The following IGF1R variants were observed in gnomAD, a reference collection of about 807,000 sequenced individuals.
IGF1R encodes insulin like growth factor 1 receptor.
Under a neutral mutation model 144.6 loss-of-function variants are expected in IGF1R, and 44 were observed. The observed-to-expected ratio is 0.30, with a 90% CI of 0.24 to 0.39. The LOEUF (loss-of-function observed/expected upper bound fraction) is 0.39, where lower values mean the gene tolerates loss of function less well. Among genes scored for constraint, IGF1R ranks in the 10% least tolerant of loss-of-function variants. The pLI is 1.00. For missense variants in IGF1R, 1,355 were observed against 1,833.7 expected, an observed-to-expected ratio of 0.74 and a Z score of 4.77; for synonymous variants, 795 against 722.8, an observed-to-expected ratio of 1.10 and a Z score of -1.60.
At chr15:98,711,998 C>T (rs553171144) in intron 2 of IGF1R, among the ~76,000 whole-genome samples, 30 of 152,290 alleles carry the variant, frequency 2.0e-4, no homozygotes, top group African/African-American at 7.2e-4. Context: ...GGGCACTAAT[C>T]CCATTTGTGA....
At position 98,780,573 on chromosome 15, in the gene IGF1R, AAAGAGAGAG is replaced by A. The variant is rs1486787497; in HGVS notation, c.640+72468_640+72476del. Among the ~76,000 whole-genome samples, 41 of 16,142 alleles carry A rather than the reference AAAGAGAGAG, an allele frequency of 2.5e-3. 6 individuals are homozygous for A. The highest frequency in any genetic ancestry group is 8.0e-3 in the South Asian group (2 of 250). The allele number at this position is 16,142 out of a possible 152,430, so 10.6% of individuals were successfully genotyped here. On this transcript the variant is annotated intron_variant, in intron 2 of 20. Transcript: ENST00000650285. ...TCAAAAAAAAAAAAAAAAAAAAAAA[AAAGAGAGAG>A]AGAGTAAATAAAATTGTAAGGTGAA...
Position 98,959,291 on chromosome 15 carries a change from C to T in IGF1R, c.*1849C>T. The T allele has an allele frequency of 4.3e-6, 1 of 233,598 alleles. No homozygotes were observed. Among genetic ancestry groups the T allele is most frequent in the Non-Finnish European group, 8.5e-6 (1 of 117,978 alleles). 14.5% of individuals were successfully genotyped at this position (233,598 alleles called of 1,614,324 possible). On this transcript the variant is annotated 3_prime_UTR_variant, in exon 21 of 21. Transcript: ENST00000650285. ...TATTTTTCTTAATGGCTATTTAATC[C>T]TTCCATCCCACGAAAAACAGCTGCT... is the stretch of plus-strand genomic sequence containing the variant.
At chr15:98,920,434 G>A (rs974885338) in intron 10 of IGF1R, among the ~76,000 whole-genome samples, 10 of 152,172 alleles carry the variant, frequency 6.6e-5, no homozygotes, top group East Asian at 1.9e-4. Flanking sequence ...GGGCTGAGCC[G>A]GGAGAGGGGT....
intron 2 of IGF1R, among the ~76,000 whole-genome samples, chr15:98,774,869 ATTAAAT>A (rs2055675017): frequency 6.6e-6 from 1 of 152,152 alleles, no homozygotes. Context: ...TTTTCCCACA[ATTAAAT>A]TTAAAAGGAA....
intron 1 of IGF1R, among the ~76,000 whole-genome samples, chr15:98,674,648 A>T (rs909631657): frequency 2.0e-5 from 3 of 152,176 alleles, no homozygotes; most frequent in Admixed American, 6.5e-5. Flanking sequence ...TATTATGTGT[A>T]TTGCTTTTTT....
At chr15:98,840,203 C>T (rs1181384062) in intron 2 of IGF1R, among the ~76,000 whole-genome samples, 1 of 152,190 alleles carries the variant, frequency 6.6e-6, no homozygotes, top group East Asian at 1.9e-4. Flanking sequence ...GGGGGCATTC[C>T]AGCAGAGTGT....
At chr15:98,706,631 G>C (rs2053869209) in intron 1 of IGF1R, among the ~76,000 whole-genome samples, 1 of 151,764 alleles carries the variant, frequency 6.6e-6, no homozygotes, top group Non-Finnish European at 1.5e-5. Context: ...TAATACTCTG[G>C]AACTACTGTC....
intron 2 of IGF1R, among the ~76,000 whole-genome samples, chr15:98,824,960 C>T (rs1363485268): frequency 6.6e-6 from 1 of 152,062 alleles, no homozygotes; most frequent in Non-Finnish European, 1.5e-5. Context: ...CCTCAGCCTC[C>T]CTAGTAGCTG....
At chr15:98,680,857 A>G (rs752551669) in intron 1 of IGF1R, among the ~76,000 whole-genome samples, 1 of 121,218 alleles carries the variant, frequency 8.2e-6, no homozygotes, top group African/African-American at 3.4e-5. Flanking sequence ...GAGCCTGGCC[A>G]TATGTACTTT....
At chr15:98,899,437 C>T in intron 4 of IGF1R, 40 bp from the exon 5 acceptor site, 2 of 1,608,480 alleles carry the variant, frequency 1.2e-6, no homozygotes, top group Non-Finnish European at 1.7e-6. Context: ...CACCCTTACA[C>T]CAAGTGAGCA....
At chr15:98,895,429 T>A (rs2014146179) in intron 3 of IGF1R, among the ~76,000 whole-genome samples, 1 of 151,886 alleles carries the variant, frequency 6.6e-6, no homozygotes, top group Non-Finnish European at 1.5e-5. Flanking sequence ...TTTTTTTAAA[T>A]GGAAAGTTTA....
At chr15:98,877,513 T>C (rs200792102) in intron 2 of IGF1R, among the ~76,000 whole-genome samples, 131 of 111,412 alleles carry the variant, frequency 1.2e-3, no homozygotes, top group East Asian at 1.7e-3. Context: ...TTTTTTTTTT[T>C]CCCCAAAAAA....
intron 1 of IGF1R, among the ~76,000 whole-genome samples, chr15:98,706,000 C>T (rs768751209): frequency 4.6e-5 from 7 of 152,246 alleles, no homozygotes; most frequent in Admixed American, 1.3e-4. Context: ...AGCTTTAAAT[C>T]CTAGGCACCC....
chr15:98,659,821 T>G (rs571447074), intron 1 of IGF1R, among the ~76,000 whole-genome samples: 1 of 152,322 alleles, frequency 6.6e-6, no homozygotes, highest in South Asian at 2.1e-4. Flanking sequence ...CTTCCATTGC[T>G]CTATTTAAAC....
chr15:98,865,452 TG>T (rs1567167742), intron 2 of IGF1R, among the ~76,000 whole-genome samples: 2 of 151,970 alleles, frequency 1.3e-5, no homozygotes, highest in Non-Finnish European at 2.9e-5. Context: ...TGGCTGGAGG[TG>T]GGGCTCGGCG....
intron 2 of IGF1R, among the ~76,000 whole-genome samples, chr15:98,787,205 GTC>G (rs1444122128): frequency 6.6e-6 from 1 of 152,170 alleles, no homozygotes; most frequent in African/African-American, 2.4e-5. Flanking sequence ...GGGCACACCT[GTC>G]TCTGTTTTTG....
intron 10 of IGF1R, among the ~76,000 whole-genome samples, chr15:98,918,621 C>T (rs1442082587): frequency 6.6e-6 from 1 of 152,196 alleles, no homozygotes; most frequent in Non-Finnish European, 1.5e-5. Context: ...TGGCTCACGC[C>T]TGTAATCCCA....
At chr15:98,902,110 G>A (rs546026472) in intron 5 of IGF1R, among the ~76,000 whole-genome samples, 165 of 152,178 alleles carry the variant, frequency 1.1e-3, no homozygotes, top group Non-Finnish European at 2.0e-3. Flanking sequence ...ACACATTATG[G>A]AATCATTGGG....
At chr15:98,930,508 G>A (rs1288298173) in intron 15 of IGF1R, among the ~76,000 whole-genome samples, 1 of 151,752 alleles carries the variant, frequency 6.6e-6, no homozygotes, top group South Asian at 2.1e-4. Context: ...GTCAAAACTT[G>A]TGGGACTGTA....
Sources: gnomAD v4.1 joint callset for allele counts (sites outside exome capture counted in the v4.1 genomes callset) on GRCh38, gnomAD v4.1.1 for gene constraint, MANE v1.5 for transcripts, NCBI Gene and HGNC (gene_info 2026-07-23, HGNC 2026-07-21) for gene names.